CNTN6: variants seen among roughly 807,000 people sequenced by gnomAD.
CNTN6 encodes contactin-6.
In CNTN6, 137 loss-of-function variants were observed where a neutral mutation model predicts 122.8. That is an observed-to-expected ratio of 1.12 (90% CI 0.97 to 1.29). The LOEUF (loss-of-function observed/expected upper bound fraction) is 1.29, where lower values mean the gene tolerates loss of function less well. Ranked by LOEUF, CNTN6 falls within the 50% of genes most tolerant of loss-of-function variation. CNTN6 has a pLI of 0.00. For synonymous variants in CNTN6, 570 were observed against 426.0 expected, an observed-to-expected ratio of 1.34 and a Z score of -4.16; for missense variants, 1,634 against 1,223.4, an observed-to-expected ratio of 1.34 and a Z score of -5.01.
intron 4 of CNTN6, 94 bp from the exon 5 acceptor site, chr3:1,278,319 C>T (rs575321838): frequency 2.4e-6 from 2 of 833,028 alleles, no homozygotes; most frequent in Non-Finnish European, 3.7e-6. Context: ...GAGATTAATT[C>T]CCCTTAATAA....
chr3:1,211,283 A>G (rs2094033527), intron 2 of CNTN6, among the ~76,000 whole-genome samples: 1 of 152,212 alleles, frequency 6.6e-6, no homozygotes, highest in Admixed American at 6.5e-5. Context: ...AAATTTACCC[A>G]GGCTCATACA....
intron 12 of CNTN6, among the ~76,000 whole-genome samples, chr3:1,353,846 A>G (rs1706083911): frequency 6.6e-6 from 1 of 151,698 alleles, no homozygotes; most frequent in African/African-American, 2.4e-5. Flanking sequence ...GGAAAAATCC[A>G]GAGGGCATTA....
At chr3:1,204,882 T>G (rs557889602) in intron 2 of CNTN6, among the ~76,000 whole-genome samples, 10 of 152,288 alleles carry the variant, frequency 6.6e-5, no homozygotes, top group African/African-American at 2.4e-4. Flanking sequence ...GTAGGCAGAA[T>G]AATGGCCCCC....
intron 2 of CNTN6, among the ~76,000 whole-genome samples, chr3:1,170,734 C>T (rs1168032892): frequency 6.6e-6 from 1 of 152,104 alleles, no homozygotes; most frequent in Non-Finnish European, 1.5e-5. Context: ...CTTGTTTCTT[C>T]CTTATAAACA....
intron 1 of CNTN6, among the ~76,000 whole-genome samples, chr3:1,097,373 A>C (rs1260968081): frequency 6.6e-6 from 1 of 152,252 alleles, no homozygotes; most frequent in East Asian, 1.9e-4. Context: ...GTTTACAATT[A>C]AATGAATAAA....
In CNTN6 at chr3:1,278,419, A is replaced by G. The variant is rs1369472492; in HGVS notation, c.365A>G (p.Glu122Gly). 1 of 1,599,742 alleles carries G rather than the reference A, an allele frequency of 6.3e-7. No homozygotes were observed. Among genetic ancestry groups the G allele is most frequent in the South Asian group, 1.1e-5 (1 of 89,210 alleles). The change falls in exon 5 of 23, where the codon GAA becomes GGA. Residue 122 changes from glutamate to glycine, a missense_variant. Glu to Gly is a moderately conservative substitution (Grantham distance 98). Coordinates refer to ENST00000446702, the MANE Select transcript of CNTN6 (RefSeq NM_001289080.2). ...CTTTTCTTTGTTTTCCAAGATATTGAAGACTTTGAAACTAAAACAAGAAGC... is the reference window on the plus strand; with the variant it reads ...CTTTTCTTTGTTTTCCAAGATATTGGAGACTTTGAAACTAAAACAAGAAGC... The part of the protein sequence containing the change: ...RKAKLQFAYI[E>G]DFETKTRSTV...
intron 11 of CNTN6, among the ~76,000 whole-genome samples, chr3:1,333,105 A>G (rs1702549767): frequency 1.3e-5 from 2 of 152,152 alleles, no homozygotes; most frequent in South Asian, 2.1e-4. Context: ...GGGTGTGGGT[A>G]GATGGGTACC....
chr3:1,401,893 C>A (rs1003096965), intron 21 of CNTN6, among the ~76,000 whole-genome samples: 5 of 151,940 alleles, frequency 3.3e-5, no homozygotes, highest in Non-Finnish European at 7.4e-5. Context: ...ACTTAGGCTG[C>A]AGTATGATGT....
At chr3:1,094,041 CAG>C (rs1199819296) in intron 1 of CNTN6, among the ~76,000 whole-genome samples, 8 of 152,166 alleles carry the variant, frequency 5.3e-5, no homozygotes, top group African/African-American at 1.9e-4. Context: ...TAGAATCACA[CAG>C]AATCAATTTG....
chr3:1,222,676 G>T (rs2125530462), intron 3 of CNTN6, among the ~76,000 whole-genome samples: 1 of 152,058 alleles, frequency 6.6e-6, no homozygotes, highest in South Asian at 2.1e-4. Context: ...CTTATTTCCA[G>T]CCCCCATAAC....
At chr3:1,329,756 A>T in intron 10 of CNTN6, 29 bp from the exon 11 acceptor site, 1 of 1,593,552 alleles carries the variant, frequency 6.3e-7, no homozygotes, top group Non-Finnish European at 8.6e-7. Context: ...TGAGTAATTA[A>T]ACAATTTTGT....
At chr3:1,277,346 C>CTTT (rs10599744) in intron 4 of CNTN6, among the ~76,000 whole-genome samples, 5 of 80,192 alleles carry the variant, frequency 6.2e-5, no homozygotes, top group East Asian at 3.7e-4. Context: ...AGTAGGTTTT[C>CTTT]TTTTTTTTTT....
At chr3:1,396,357 G>A (rs772570982) in intron 20 of CNTN6, among the ~76,000 whole-genome samples, 34 of 152,174 alleles carry the variant, frequency 2.2e-4, no homozygotes, top group Admixed American at 5.2e-4. Flanking sequence ...ATGTATTTGC[G>A]TTTTTCTAAG....
Position 1,272,299 on chromosome 3 carries a change from G to A in CNTN6, c.359-6114G>A, listed in dbSNP as rs541706876. On this transcript the variant is annotated intron_variant, in intron 4 of 22. Transcript: ENST00000446702. ...AACCTTATCTGGACACATAGAAATT[G>A]GGTCAACTTTGGTCAGTGGCCAGTC... Among the ~76,000 whole-genome samples the A allele has an allele frequency of 1.1e-4, 16 of 152,240 alleles. No individual in the cohort carries two copies. In the South Asian group the frequency reaches 3.3e-3, roughly 32 times the overall value.
At position 1,253,212 on chromosome 3, in the gene CNTN6, C is replaced by T. The variant is rs567394186; in HGVS notation, c.359-25201C>T. Among the ~76,000 whole-genome samples, 87 of 152,276 alleles carry T rather than the reference C, an allele frequency of 5.7e-4. 2 individuals carry two copies. The South Asian group carries it at 0.018, about 31-fold the overall frequency. Reference sequence around the variant, plus strand: ...TCAGTCCTTGTACCACCTCTCCTTACCAAGCCCAGCATTGTGACACCATGT... The same window carrying T: ...TCAGTCCTTGTACCACCTCTCCTTATCAAGCCCAGCATTGTGACACCATGT... On this transcript the variant is annotated intron_variant, in intron 4 of 22. Transcript: ENST00000446702.
intron 4 of CNTN6, among the ~76,000 whole-genome samples, chr3:1,253,264 AAAG>A (rs1469773376): frequency 1.4e-4 from 22 of 152,288 alleles, no homozygotes; most frequent in African/African-American, 4.8e-4. Context: ...TTTGAAAGCA[AAAG>A]AAGAAACGCA....
At chr3:1,292,967 G>GT (rs143341103) in intron 5 of CNTN6, among the ~76,000 whole-genome samples, 2 of 151,602 alleles carry the variant, frequency 1.3e-5, no homozygotes, top group African/African-American at 4.8e-5. Flanking sequence ...TGCTGCTTAG[G>GT]TTTTTTTTCC....
In CNTN6 at chr3:1,402,377, A is replaced by C; in HGVS notation, c.2877A>C (p.Ser959=). ...ATATTTTGGAAACAAACAATACATC[A>C]GCTGAGCTTCTGGTTCCATTTGAAG... is the stretch of plus-strand genomic sequence containing the variant. ...KTHILETNNT[S]AELLVPFEED... is the part of the protein sequence containing the mutation. Residue 959 remains serine (S), a synonymous_variant, in exon 22 of 23, where the codon TCA becomes TCC. Transcript: ENST00000446702. The C allele has an allele frequency of 1.2e-6, 2 of 1,612,568 alleles. No homozygotes were observed. The highest frequency in any genetic ancestry group is 1.1e-5 in the South Asian group (1 of 90,986).
rs1701703823 is a variant in CNTN6 at position 1,327,523 on chromosome 3, T to C, written c.1150T>C (p.Tyr384His). The part of the protein sequence containing the change: ...TMLNVSDSGV[Y>H]QCAAENKYQI... The stretch of plus-strand genomic sequence containing the variant: ...GCTGAATGTGTCAGATTCTGGTGTG[T>C]ACCAATGTGCTGCAGAAAACAAATA... Residue 384 changes from tyrosine (Y) to histidine (H), a missense_variant, in exon 10 of 23, where the codon TAC (tyrosine) becomes CAC (histidine). Tyr to His is a moderately conservative substitution (Grantham distance 83, BLOSUM62 2). Transcript: ENST00000446702. The C allele has an allele frequency of 2.5e-6, 4 of 1,610,976 alleles. No homozygotes were observed. The highest frequency in any genetic ancestry group is 1.7e-5 in the Admixed American group (1 of 59,746).
Sources: gnomAD v4.1 joint callset for allele counts (sites outside exome capture counted in the v4.1 genomes callset) on GRCh38, gnomAD v4.1.1 for gene constraint, MANE v1.5 for transcripts, NCBI Gene and HGNC (gene_info 2026-07-23, HGNC 2026-07-21) for gene names.